The following TCF12 variants were observed in gnomAD, a reference collection of about 807,000 sequenced individuals.
The protein encoded by TCF12 is DNA-binding protein HTF4.
In TCF12, 45 loss-of-function variants were observed where a neutral mutation model predicts 86.0. The ratio of observed to expected loss-of-function variants is 0.52; its 90% CI spans 0.41 to 0.67. The LOEUF is 0.67. TCF12 is among the 30% of genes least tolerant of loss of function. The probability of loss-of-function intolerance (pLI) is 0.00; values close to 1 mark genes in which losing one functional copy is unlikely to be tolerated. For missense variants in TCF12, 881 were observed against 859.9 expected (o/e 1.02, Z -0.31); for synonymous variants, 330 against 299.6 (o/e 1.10, Z -1.05).
intron 3 of TCF12, among the ~76,000 whole-genome samples, chr15:56,962,095 T>A (rs1315425816): frequency 1.4e-5 from 2 of 142,120 alleles, no homozygotes; most frequent in Non-Finnish European, 3.0e-5. Flanking sequence ...ACTGCGCCAC[T>A]GTACTCCAGC....
chr15:57,156,339 T>G lies in TCF12; in HGVS notation c.326-10063T>G, dbSNP rs146140888. Among the ~76,000 whole-genome samples, 22 of 152,288 alleles carry G rather than the reference T, an allele frequency of 1.4e-4. No individual in the cohort carries two copies. The East Asian group carries it at 3.7e-3, about 25-fold the overall frequency. ...ACTTGCCCCACCTCACTCTATTTTT[T>G]AGGTAAAAAAAACTGAGGTCTAGAG... On this transcript the variant is annotated intron_variant, in intron 5 of 20. Transcript: ENST00000333725.
At chr15:56,953,120 T>C (rs2061355906) in intron 3 of TCF12, among the ~76,000 whole-genome samples, 2 of 152,212 alleles carry the variant, frequency 1.3e-5, no homozygotes, top group South Asian at 4.1e-4. Context: ...TAGGTTTTCT[T>C]TGTTAATTCG....
intron 4 of TCF12, chr15:57,072,746 C>T: frequency 3.2e-6 from 4 of 1,261,036 alleles, no homozygotes; most frequent in Non-Finnish European, 4.1e-6. Flanking sequence ...CATCTGTGTT[C>T]CCATTAATCT....
At position 57,136,958 on chromosome 15, in the gene TCF12, G is replaced by GTTTTTTTTTTTTTTTTTTTT. The variant is rs869113042; in HGVS notation, c.326-29433_326-29432insTTTTTTTTTTTTTTTTTTTT. Among the ~76,000 whole-genome samples the GTTTTTTTTTTTTTTTTTTTT allele has an allele frequency of 2.9e-4, 24 of 83,044 alleles. 11 individuals are homozygous for GTTTTTTTTTTTTTTTTTTTT. The highest frequency in any genetic ancestry group is 9.6e-4 in the African/African-American group (20 of 20,800). The allele number at this position is 83,044 out of a possible 152,430, so 54.5% of individuals were successfully genotyped here. On this transcript the variant is annotated intron_variant, in intron 5 of 20. Transcript: ENST00000333725. ...TAGACAATAGCCACTGCTTCTGGCA[G>GTTTTTTTTTTTTTTTTTTTT]TTTTTTTTTTTGTTTTTTTTTTTTT... is the stretch of plus-strand genomic sequence containing the variant.
At position 57,208,380 on chromosome 15, in the gene TCF12, C is replaced by CTTTTTTTTTTTTTTTTTTT. The variant is rs1184422578; in HGVS notation, c.579+10556_579+10574dup. Among the ~76,000 whole-genome samples the CTTTTTTTTTTTTTTTTTTT allele has an allele frequency of 3.7e-4, 24 of 65,588 alleles. 1 individual carries two copies. The highest frequency in any genetic ancestry group is 1.6e-3 in the African/African-American group (24 of 14,844). 43.0% of individuals were successfully genotyped at this position (65,588 alleles called of 152,430 possible). On this transcript the variant is annotated intron_variant, in intron 8 of 20. Transcript: ENST00000333725. ...ACCTTGTTCTTTGGACAAAAATATC[C>CTTTTTTTTTTTTTTTTTTT]TTTTTTTTTTTTTTTTTTTGGAGAC...
At chr15:57,150,630 C>G (rs767119053) in intron 5 of TCF12, among the ~76,000 whole-genome samples, 1 of 151,580 alleles carries the variant, frequency 6.6e-6, no homozygotes, top group African/African-American at 2.4e-5. Context: ...ATGAAAAGAA[C>G]AAGAAAAAAA....
chr15:57,179,551 A>G (rs1215942683), intron 6 of TCF12, among the ~76,000 whole-genome samples: 1 of 150,372 alleles, frequency 6.7e-6, no homozygotes, highest in Non-Finnish European at 1.5e-5. Flanking sequence ...TTTTTTTTTT[A>G]AAGATTGGGC....
chr15:57,162,047 A>T (rs1425051619), intron 5 of TCF12, among the ~76,000 whole-genome samples: 19 of 152,134 alleles, frequency 1.2e-4, no homozygotes, highest in Non-Finnish European at 1.9e-4. Flanking sequence ...ATACACACTC[A>T]CACCCCCGCA....
chr15:57,181,757 C>G (rs1211512445), intron 6 of TCF12, among the ~76,000 whole-genome samples: 1 of 152,110 alleles, frequency 6.6e-6, no homozygotes, highest in Non-Finnish European at 1.5e-5. Flanking sequence ...AAATTTTGTT[C>G]ACAGGCTAGA....
intron 2 of TCF12, among the ~76,000 whole-genome samples, 192 bp from the exon 3 acceptor site, chr15:56,920,834 A>G (rs1476939698): frequency 6.6e-6 from 1 of 152,210 alleles, no homozygotes; most frequent in Non-Finnish European, 1.5e-5. Context: ...ACAAAATGTA[A>G]CCATTATTTC....
intron 3 of TCF12, among the ~76,000 whole-genome samples, chr15:57,012,785 A>G (rs940557976): frequency 1.3e-5 from 2 of 152,210 alleles, no homozygotes; most frequent in African/African-American, 4.8e-5. Flanking sequence ...TGAGTCCTCC[A>G]TTAAGGGGAA....
chr15:57,177,059 A>G (rs1400629537), intron 6 of TCF12, among the ~76,000 whole-genome samples: 1 of 152,146 alleles, frequency 6.6e-6, no homozygotes, highest in African/African-American at 2.4e-5. Flanking sequence ...AAAGGGGCCT[A>G]CATGCACACT....
At chr15:57,104,338 T>C (rs1441762815) in intron 5 of TCF12, among the ~76,000 whole-genome samples, 1 of 152,128 alleles carries the variant, frequency 6.6e-6, no homozygotes, top group East Asian at 1.9e-4. Flanking sequence ...CAGACTTTTC[T>C]TGGGAGGCTT....
At chr15:57,223,286 T>C (rs1425447410) in intron 8 of TCF12, among the ~76,000 whole-genome samples, 4 of 151,936 alleles carry the variant, frequency 2.6e-5, no homozygotes, top group Non-Finnish European at 5.9e-5. Flanking sequence ...TGTAAATTAG[T>C]CTCCATAGCA....
chr15:57,262,789 C>T (rs1256183526), intron 17 of TCF12, among the ~76,000 whole-genome samples: 5 of 152,190 alleles, frequency 3.3e-5, no homozygotes, highest in African/African-American at 4.8e-5. Flanking sequence ...ATGTCCTTTA[C>T]CTCTGCAACA....
intron 20 of TCF12, among the ~76,000 whole-genome samples, chr15:57,282,810 G>A (rs1409891575): frequency 1.3e-5 from 2 of 152,172 alleles, no homozygotes; most frequent in African/African-American, 4.8e-5. Context: ...TTCAAAGTGT[G>A]GCAGTATCTT....
At chr15:57,143,032 A>G (rs547398624) in intron 5 of TCF12, among the ~76,000 whole-genome samples, 1 of 152,276 alleles carries the variant, frequency 6.6e-6, no homozygotes, top group Admixed American at 6.5e-5. Flanking sequence ...TATATGTAAC[A>G]TAAAGTATAA....
At chr15:57,011,582 C>T (rs2064834118) in intron 3 of TCF12, among the ~76,000 whole-genome samples, 1 of 152,160 alleles carries the variant, frequency 6.6e-6, no homozygotes, top group Non-Finnish European at 1.5e-5. Context: ...AGCATCTCCA[C>T]CCTCCACAAT....
intron 4 of TCF12, among the ~76,000 whole-genome samples, chr15:57,074,360 TAAAAA>T (rs35606687): frequency 1.1e-4 from 12 of 110,652 alleles, no homozygotes; most frequent in African/African-American, 1.7e-4. Flanking sequence ...CCATTTTGAT[TAAAAA>T]AAAAAAAAAA....
Sources: gnomAD v4.1 joint callset for allele counts (sites outside exome capture counted in the v4.1 genomes callset) on GRCh38, gnomAD v4.1.1 for gene constraint, MANE v1.5 for transcripts, NCBI Gene and HGNC (gene_info 2026-07-23, HGNC 2026-07-21) for gene names.